TRIB2: variants seen among roughly 807,000 people sequenced by gnomAD.
TRIB2 encodes the protein tribbles homolog 2.
A neutral mutation model predicts 26.8 loss-of-function variants in TRIB2; 2 were observed. That is an observed-to-expected ratio of 0.07 (90% confidence interval 0.03 to 0.24). The LOEUF (loss-of-function observed/expected upper bound fraction) is 0.24, where lower values mean the gene tolerates loss of function less well. Among genes scored for constraint, TRIB2 ranks in the 10% least tolerant of loss-of-function variants. The pLI is 1.00. For missense variants in TRIB2, 306 were observed against 449.0 expected, an observed-to-expected ratio of 0.68 and a Z score of 2.88; for synonymous variants, 189 against 187.3, an observed-to-expected ratio of 1.01 and a Z score of -0.08.
chr2:12,728,449 C>T (rs939548836), intron 2 of TRIB2, among the ~76,000 whole-genome samples: 2 of 152,242 alleles, frequency 1.3e-5, no homozygotes, highest in Non-Finnish European at 2.9e-5. Flanking sequence ...CTTGTTACCA[C>T]AGCACTTCCT....
intron 2 of TRIB2, among the ~76,000 whole-genome samples, chr2:12,728,675 G>A (rs530320023): frequency 6.6e-5 from 10 of 152,210 alleles, no homozygotes; most frequent in South Asian, 2.1e-4. Flanking sequence ...TGTGGAAGCC[G>A]GTCAGTACCC....
chr2:12,740,901 A>C lies in TRIB2; in HGVS notation c.*107A>C. 9.4e-7 allele frequency: 1 copy of C among 1,068,806 alleles called. No individual in the cohort carries two copies. Among genetic ancestry groups the C allele is most frequent in the Non-Finnish European group, 1.3e-6 (1 of 745,028 alleles). 66.2% of individuals were successfully genotyped at this position (1,068,806 alleles called of 1,614,324 possible). On this transcript the variant is annotated 3_prime_UTR_variant, in exon 3 of 3. Coordinates refer to ENST00000155926, the MANE Select transcript of TRIB2 (RefSeq NM_021643.4). This position sits in a 1 kb window ranked among gnomAD's most constrained non-coding sequence, Gnocchi z 5.8. Reference sequence around the variant, plus strand: ...CCTGGCTGAGTAGCAAGAAAGACACACTCTTAAGTTTCTTGGTTCAGAGCA... The same window carrying C: ...CCTGGCTGAGTAGCAAGAAAGACACCCTCTTAAGTTTCTTGGTTCAGAGCA...
chr2:12,720,084 A>G (rs767437967), intron 1 of TRIB2, among the ~76,000 whole-genome samples: 79 of 152,228 alleles, frequency 5.2e-4, no homozygotes, highest in Non-Finnish European at 2.1e-4. Flanking sequence ...CAGCATTTTA[A>G]TATTTTTCAA....
At chr2:12,726,061 GCC>G (rs1230867062) in intron 2 of TRIB2, among the ~76,000 whole-genome samples, 1 of 152,220 alleles carries the variant, frequency 6.6e-6, no homozygotes, top group African/African-American at 2.4e-5. Flanking sequence ...TCTTCTTCCA[GCC>G]CAAGTCACAT....
rs1219495867 is a variant in TRIB2 at position 12,718,319 on chromosome 2, C to T, written c.12C>T (p.His4=). The T allele has an allele frequency of 3.1e-6, 5 of 1,613,770 alleles. No homozygotes were observed. Among genetic ancestry groups the T allele is most frequent in the African/African-American group, 1.3e-5 (1 of 74,908 alleles). ...CGATCCTCACACTCATGAACATACA[C>T]AGGTCTACCCCCATCACAATAGCGA... MNI[H]RSTPITIARY... is the part of the protein sequence containing the mutation. The change falls in exon 1 of 3, where the codon CAC becomes CAT. Residue 4 remains histidine (H), a synonymous_variant. Transcript: ENST00000155926. This position sits in a 1 kb window ranked among gnomAD's most constrained non-coding sequence, Gnocchi z 4.0.
chr2:12,724,069 G>A (rs1661284149), intron 2 of TRIB2, among the ~76,000 whole-genome samples: 1 of 152,216 alleles, frequency 6.6e-6, no homozygotes, highest in African/African-American at 2.4e-5. Context: ...CAGAATAGAG[G>A]TCCGTGCTGG....
At chr2:12,723,119 C>T in intron 1 of TRIB2, 141 bp from the exon 2 acceptor site, 1 of 868,546 alleles carries the variant, frequency 1.2e-6, no homozygotes, top group Non-Finnish European at 1.7e-6. Flanking sequence ...TGGTAGGAGG[C>T]AGGGCCAATG....
chr2:12,736,703 C>G (rs983398087), intron 2 of TRIB2, among the ~76,000 whole-genome samples: 1 of 152,184 alleles, frequency 6.6e-6, no homozygotes, highest in Non-Finnish European at 1.5e-5. Flanking sequence ...ACTCAAGGTA[C>G]AGCAGCAAAC....
chr2:12,724,905 C>T (rs2103251775), intron 2 of TRIB2: 2 of 1,500,956 alleles, frequency 1.3e-6, no homozygotes, highest in East Asian at 4.6e-5. Context: ...GTATGTTCCA[C>T]CTTTCTTGGA....
At chr2:12,734,721 G>A (rs542627005) in intron 2 of TRIB2, among the ~76,000 whole-genome samples, 4 of 152,278 alleles carry the variant, frequency 2.6e-5, no homozygotes, top group African/African-American at 9.6e-5. Flanking sequence ...CCTAGTTGGG[G>A]AACTCAAGCA....
rs1339274867 is a variant in TRIB2, at chr2:12,718,119, A to T, written c.-189A>T. 8 of 780,430 alleles carry T rather than the reference A, an allele frequency of 1.0e-5. No homozygotes were observed. The highest frequency in any genetic ancestry group is 1.6e-5 in the Non-Finnish European group (8 of 507,522). The allele number at this position is 780,430 out of a possible 1,614,324, so 48.3% of individuals were successfully genotyped here. ...GAGGACCCCCGGGAGCCGGGCTCGG[A>T]GCAGACGAGGTATCCGGCGGCGCCC... On this transcript the variant is annotated 5_prime_UTR_variant, in exon 1 of 3. Coordinates refer to ENST00000155926, the MANE Select transcript of TRIB2 (RefSeq NM_021643.4). The surrounding 1 kb of genome is among the most constrained non-coding windows in gnomAD (Gnocchi z 4.0).
chr2:12,736,661 G>A (rs1219965905), intron 2 of TRIB2, among the ~76,000 whole-genome samples: 1 of 152,188 alleles, frequency 6.6e-6, no homozygotes, highest in African/African-American at 2.4e-5. Context: ...GATGGATTGT[G>A]TATCTGCCCT....
At chr2:12,723,194 G>T in intron 1 of TRIB2, 66 bp from the exon 2 acceptor site, 1 of 1,530,120 alleles carries the variant, frequency 6.5e-7, no homozygotes. Flanking sequence ...GGGAGGTGCA[G>T]CATTATGTGT....
intron 2 of TRIB2, among the ~76,000 whole-genome samples, chr2:12,725,896 G>C (rs1290189802): frequency 6.6e-6 from 1 of 152,240 alleles, no homozygotes; most frequent in African/African-American, 2.4e-5. Context: ...CAGCCTTGAG[G>C]CTGATGCCCT....
chr2:12,718,385 G>C lies in TRIB2; in HGVS notation c.78G>C (p.Glu26Asp), dbSNP rs765730179. The C allele has an allele frequency of 9.9e-6, 16 of 1,614,110 alleles. No individual in the cohort carries two copies. The Admixed American group carries it at 1.7e-4, about 17-fold the overall frequency. Residue 26 changes from glutamate (E) to aspartate (D), a missense_variant, in exon 1 of 3, where the codon GAG (glutamate) becomes GAC (aspartate). Glu to Asp is a conservative substitution (Grantham distance 45). Coordinates refer to ENST00000155926, the MANE Select transcript of TRIB2 (RefSeq NM_021643.4). The surrounding 1 kb of genome is among the most constrained non-coding windows in gnomAD (Gnocchi z 4.0). ...GGAACAAAACCCAGGATTTCGAAGA[G>C]TTGTCGTCTATAAGGTCCGCGGAGC... ...RSRNKTQDFE[E>D]LSSIRSAEPS...
At chr2:12,730,433 AAG>A (rs1326007347) in intron 2 of TRIB2, among the ~76,000 whole-genome samples, 4 of 152,180 alleles carry the variant, frequency 2.6e-5, no homozygotes, top group Non-Finnish European at 4.4e-5. Flanking sequence ...AACCCTGAGA[AAG>A]AATTTTCTCA....
chr2:12,718,181 T>A lies in TRIB2; in HGVS notation c.-127T>A. On this transcript the variant is annotated 5_prime_UTR_variant, in exon 1 of 3. Transcript: ENST00000155926. This position sits in a 1 kb window ranked among gnomAD's most constrained non-coding sequence, Gnocchi z 4.0. The stretch of plus-strand genomic sequence containing the variant: ...TCTAACTCTTTCTCCACGCAGCCCC[T>A]CTTCTGTCCCCTCCCCTCTCGCTCC... 7.8e-7 allele frequency: 1 copy of A among 1,285,174 alleles called. No individual in the cohort carries two copies. The allele number at this position is 1,285,174 out of a possible 1,614,324, so 79.6% of individuals were successfully genotyped here. A position where few individuals can be genotyped will look rare whatever the true frequency, so the allele number is the denominator to read the frequency against.
intron 2 of TRIB2, among the ~76,000 whole-genome samples, chr2:12,733,622 A>C (rs188576907): frequency 6.6e-6 from 1 of 152,186 alleles, no homozygotes; most frequent in African/African-American, 2.4e-5. Flanking sequence ...CATCTTATAG[A>C]TGCTTCACAC....
In TRIB2 at chr2:12,723,502, G is replaced by A. The variant is rs774247119; in HGVS notation, c.513G>A (p.Leu171=). ...TGGCCCACTGCCATGACGGGGGGCT[G>A]GTGCTGCGGGACCTCAAGCTGCGGA... The part of the protein sequence containing the change: ...SAVAHCHDGG[L]VLRDLKLRKF... The change falls in exon 2 of 3, where the codon CTG becomes CTA. Residue 171 remains leucine, a synonymous_variant. Coordinates refer to ENST00000155926, the MANE Select transcript of TRIB2 (RefSeq NM_021643.4). 1 of 1,614,208 alleles carries A rather than the reference G, an allele frequency of 6.2e-7. No individual in the cohort carries two copies. The highest frequency in any genetic ancestry group is 8.5e-7 in the Non-Finnish European group (1 of 1,180,032).
Sources: allele counts gnomAD v4.1 joint callset (sites outside exome capture counted in the v4.1 genomes callset), GRCh38; gene constraint gnomAD v4.1.1; non-coding constraint Gnocchi (gnomAD v3.1); transcripts MANE v1.5; gene names NCBI Gene and HGNC (gene_info 2026-07-23, HGNC 2026-07-21).